ZNF493: variants seen among roughly 807,000 people sequenced by gnomAD.
The protein encoded by ZNF493 is zinc finger protein 493.
Under a neutral mutation model 12.2 loss-of-function variants are expected in ZNF493, and 11 were observed. The observed-to-expected ratio is 0.90, with a 90% confidence interval of 0.57 to 1.50. ZNF493 has a LOEUF of 1.50. ZNF493 is among the 40% of genes most tolerant of loss of function. The pLI is 0.00. For missense variants in ZNF493, 950 were observed against 906.6 expected, an observed-to-expected ratio of 1.05 and a Z score of -0.61; for synonymous variants, 286 against 302.6, an observed-to-expected ratio of 0.95 and a Z score of 0.57.
At position 21,424,448 on chromosome 19, in the gene ZNF493, G is replaced by C; in HGVS notation, c.1789G>C (p.Asp597His). 6.2e-7 allele frequency: 1 copy of C among 1,613,196 alleles called. No homozygotes were observed. The highest frequency in any genetic ancestry group is 8.5e-7 in the Non-Finnish European group (1 of 1,179,702). Residue 597 changes from aspartate to histidine, a missense_variant, in exon 4 of 4, where the codon GAT becomes CAT. Asp to His is a moderately conservative substitution (Grantham distance 81). Coordinates refer to ENST00000392288, the MANE Select transcript of ZNF493 (RefSeq NM_001076678.3). ...TLTKHKIIHT[D>H]KKPYKCEECG... Reference sequence around the variant, plus strand: ...TACTAAACACAAGATAATTCATACTGATAAGAAACCCTACAAATGTGAAGA... The same window carrying C: ...TACTAAACACAAGATAATTCATACTCATAAGAAACCCTACAAATGTGAAGA...
At chr19:21,401,243 T>G (rs1294372408) in intron 1 of ZNF493, among the ~76,000 whole-genome samples, 1 of 152,214 alleles carries the variant, frequency 6.6e-6, no homozygotes, top group Non-Finnish European at 1.5e-5. Flanking sequence ...TCTGTTTACT[T>G]GAGGAGTAAC....
In ZNF493 at chr19:21,424,247, T is replaced by C. The variant is rs755638302; in HGVS notation, c.1588T>C (p.Ser530Pro). The change falls in exon 4 of 4, where the codon TCA becomes CCA. Residue 530 changes from serine to proline, a missense_variant. By Grantham distance (74) the Ser-to-Pro change is moderately conservative. Transcript: ENST00000392288. ...ATGTGGCAAAGCTTTTAAACGATCT[T>C]CAACCCTTACTATACATAAAATGAT... ...EECGKAFKRS[S>P]TLTIHKMIHT... 9 of 1,612,420 alleles carry C rather than the reference T, an allele frequency of 5.6e-6. 1 individual carries two copies. The highest frequency in any genetic ancestry group is 7.6e-6 in the Non-Finnish European group (9 of 1,178,932).
chr19:21,407,749 ATATG>A, intron 3 of ZNF493: 2 of 983,322 alleles, frequency 2.0e-6, no homozygotes, highest in Non-Finnish European at 2.4e-6. Flanking sequence ...GTGTAAGATT[ATATG>A]TTCCTCAAAC....
At chr19:21,401,387 A>C (rs911759745) in intron 1 of ZNF493, among the ~76,000 whole-genome samples, 1 of 152,152 alleles carries the variant, frequency 6.6e-6, no homozygotes, top group Non-Finnish European at 1.5e-5. Context: ...ATCAATGTTC[A>C]TTAAAAATAT....
intron 2 of ZNF493, chr19:21,405,526 A>G (rs2030093213): frequency 3.0e-6 from 4 of 1,324,542 alleles, no homozygotes; most frequent in Non-Finnish European, 3.9e-6. Context: ...ATTGTTGTCC[A>G]TATGTTAAAA....
intron 3 of ZNF493, chr19:21,408,231 T>C: frequency 1.3e-6 from 1 of 784,256 alleles, no homozygotes; most frequent in African/African-American, 1.9e-5. Context: ...GTTCAAGCGA[T>C]TCTCCTACCT....
chr19:21,400,743 G>A (rs1318883432), intron 1 of ZNF493, among the ~76,000 whole-genome samples: 1 of 152,164 alleles, frequency 6.6e-6, no homozygotes, highest in African/African-American at 2.4e-5. Context: ...AAGATAAAAG[G>A]GGACAGGGAG....
chr19:21,407,592 TA>T, intron 3 of ZNF493: 1 of 977,768 alleles, frequency 1.0e-6, no homozygotes, highest in Non-Finnish European at 1.2e-6. Context: ...CCCAGCCTAA[TA>T]AAAATTTTTT....
intron 1 of ZNF493, among the ~76,000 whole-genome samples, chr19:21,400,781 G>A (rs778408850): frequency 1.3e-5 from 2 of 152,186 alleles, no homozygotes; most frequent in Non-Finnish European, 2.9e-5. Context: ...AGTTGTTATT[G>A]TACATCAGGG....
At chr19:21,410,562 G>C (rs570926324) in intron 3 of ZNF493, among the ~76,000 whole-genome samples, 11 of 151,882 alleles carry the variant, frequency 7.2e-5, no homozygotes, top group Middle Eastern at 3.4e-3. Flanking sequence ...TAGCTTTATT[G>C]TTCAGTTTTA....
intron 3 of ZNF493, among the ~76,000 whole-genome samples, chr19:21,410,364 CAT>C (rs1167057750): frequency 1.3e-5 from 2 of 151,974 alleles, no homozygotes; most frequent in Non-Finnish European, 2.9e-5. Flanking sequence ...GCATCATCAA[CAT>C]ATTTGGTGTG....
At chr19:21,409,053 T>G (rs1043860521) in intron 3 of ZNF493, among the ~76,000 whole-genome samples, 1 of 151,764 alleles carries the variant, frequency 6.6e-6, no homozygotes, top group Non-Finnish European at 1.5e-5. Context: ...CCTGGCTAAT[T>G]TTTTGTATTT....
At position 21,424,566 on chromosome 19, in the gene ZNF493, A is replaced by G. The variant is rs1599382838; in HGVS notation, c.1907A>G (p.Lys636Arg). 5.0e-6 allele frequency: 8 copies of G among 1,613,700 alleles called. No individual in the cohort carries two copies. The highest frequency in any genetic ancestry group is 6.8e-6 in the Non-Finnish European group (8 of 1,179,828). ...CCCTACAAATGTGAAGAATGTGGCA[A>G]AGCTTTTAAGCGGTCCTCACACCTC... ...EKPYKCEECGKAFKRSSHLAG... is the reference protein window; with the variant it reads ...EKPYKCEECGRAFKRSSHLAG... The change falls in exon 4 of 4, where the codon AAA becomes AGA. Residue 636 changes from lysine to arginine, a missense_variant. Physicochemically the swap from Lys to Arg is conservative, Grantham distance 26. Transcript: ENST00000392288.
intron 1 of ZNF493, among the ~76,000 whole-genome samples, chr19:21,402,671 A>G (rs1052342768): frequency 2.0e-5 from 3 of 152,326 alleles, no homozygotes; most frequent in South Asian, 4.1e-4. Flanking sequence ...TGAGATGTCA[A>G]CATAGACATC....
intron 3 of ZNF493, among the ~76,000 whole-genome samples, chr19:21,416,883 C>T (rs541307962): frequency 3.0e-4 from 45 of 152,310 alleles, no homozygotes; most frequent in African/African-American, 9.9e-4. Context: ...AGAGCTAACT[C>T]CTATTGTCCC....
At chr19:21,416,831 G>A (rs181138951) in intron 3 of ZNF493, among the ~76,000 whole-genome samples, 134 of 152,294 alleles carry the variant, frequency 8.8e-4, no homozygotes, top group African/African-American at 3.0e-3. Context: ...AGTGACTCCT[G>A]TATATATTTG....
In ZNF493 at chr19:21,422,956, C is replaced by A; in HGVS notation, c.297C>A (p.Gly99=). The change falls in exon 4 of 4, where the codon GGC becomes GGA. Residue 99 remains glycine, a synonymous_variant. Coordinates refer to ENST00000392288, the MANE Select transcript of ZNF493 (RefSeq NM_001076678.3). ...HFAEDFCPGP[G]IKDSFQKVIL... ...CTGAAGACTTTTGCCCAGGGCCAGGCATTAAAGATTCTTTTCAAAAAGTGA... is the reference window on the plus strand; with the variant it reads ...CTGAAGACTTTTGCCCAGGGCCAGGAATTAAAGATTCTTTTCAAAAAGTGA... The A allele has an allele frequency of 6.3e-7, 1 of 1,591,640 alleles. No homozygotes were observed. Among genetic ancestry groups the A allele is most frequent in the South Asian group, 1.2e-5 (1 of 86,112 alleles).
At chr19:21,398,597 A>G in intron 1 of ZNF493, 1 of 442,684 alleles carries the variant, frequency 2.3e-6, no homozygotes, top group Non-Finnish European at 4.6e-6. Flanking sequence ...CTTCTGGTTT[A>G]TTTTCTCCCA....
chr19:21,406,213 A>G (rs546668133), intron 3 of ZNF493, among the ~76,000 whole-genome samples: 2 of 116,582 alleles, frequency 1.7e-5, no homozygotes, highest in African/African-American at 6.6e-5. Flanking sequence ...CAAGAGTGAG[A>G]CTTCATCTCA....
Sources: allele counts gnomAD v4.1 joint callset (sites outside exome capture counted in the v4.1 genomes callset), GRCh38; gene constraint gnomAD v4.1.1; transcripts MANE v1.5; gene names NCBI Gene and HGNC (gene_info 2026-07-23, HGNC 2026-07-21).